RBM47: variants seen among roughly 807,000 people sequenced by gnomAD.
RBM47 encodes the protein RNA binding motif protein 47, also known as RNA-binding protein 47.
Under a neutral mutation model 47.1 loss-of-function variants are expected in RBM47, and 21 were observed. The observed-to-expected ratio is 0.45, with a 90% confidence interval of 0.32 to 0.64. The LOEUF is 0.64. Among genes scored for constraint, RBM47 ranks in the 30% least tolerant of loss-of-function variants. The pLI is 0.05. For missense variants in RBM47, 708 were observed against 870.9 expected (o/e 0.81, Z 2.35); for synonymous variants, 375 against 361.7 (o/e 1.04, Z -0.42).
intron 1 of RBM47, among the ~76,000 whole-genome samples, chr4:40,556,909 C>G (rs959935197): frequency 6.8e-6 from 1 of 146,422 alleles, no homozygotes; most frequent in African/African-American, 2.6e-5. Context: ...TATATATATA[C>G]ATTTACATGA....
At chr4:40,447,194 T>G (rs1577654485) in intron 3 of RBM47, among the ~76,000 whole-genome samples, 2 of 152,332 alleles carry the variant, frequency 1.3e-5, no homozygotes, top group Middle Eastern at 6.8e-3. Context: ...TGCATGAGTC[T>G]TCACTGAAGG....
chr4:40,617,901 C>T (rs1466503871), intron 1 of RBM47, among the ~76,000 whole-genome samples: 17 of 151,358 alleles, frequency 1.1e-4, no homozygotes, highest in Admixed American at 1.1e-3. Flanking sequence ...TTATATTTGC[C>T]AATATGGACA....
At chr4:40,519,297 CTTT>C (rs374404085) in intron 2 of RBM47, among the ~76,000 whole-genome samples, 3 of 130,090 alleles carry the variant, frequency 2.3e-5, no homozygotes, top group Admixed American at 8.1e-5. Flanking sequence ...CTCCTTCAAT[CTTT>C]TTTTTTTTTT....
intron 1 of RBM47, among the ~76,000 whole-genome samples, chr4:40,583,362 C>T (rs1357016685): frequency 7.8e-6 from 1 of 127,570 alleles, no homozygotes; most frequent in Non-Finnish European, 1.6e-5. Context: ...TGCAGTGAGC[C>T]GAGATCACGC....
chr4:40,524,566 C>G (rs987866423), intron 2 of RBM47, among the ~76,000 whole-genome samples: 13 of 152,186 alleles, frequency 8.5e-5, no homozygotes, highest in African/African-American at 3.1e-4. Context: ...GAATTCTAAC[C>G]AGAACTGGAA....
At chr4:40,517,296 G>A (rs1725696917) in intron 2 of RBM47, among the ~76,000 whole-genome samples, 1 of 152,034 alleles carries the variant, frequency 6.6e-6, no homozygotes, top group Non-Finnish European at 1.5e-5. Flanking sequence ...CACCACACCT[G>A]GCTAATTTCT....
At chr4:40,512,453 C>T (rs1229117448) in intron 2 of RBM47, among the ~76,000 whole-genome samples, 2 of 139,412 alleles carry the variant, frequency 1.4e-5, no homozygotes, top group African/African-American at 2.7e-5. Context: ...CGGTGGCTTA[C>T]GCCTGTAATC....
At chr4:40,569,990 G>T (rs10222730) in intron 1 of RBM47, among the ~76,000 whole-genome samples, 5,802 of 152,130 alleles carry the variant, frequency 0.038, 383 homozygotes, top group African/African-American at 0.13. Context: ...GGGATTACAG[G>T]CATGAGCCAC....
chr4:40,599,428 T>C (rs763982136), intron 1 of RBM47, among the ~76,000 whole-genome samples: 1 of 152,166 alleles, frequency 6.6e-6, no homozygotes, highest in Non-Finnish European at 1.5e-5. Flanking sequence ...TTAAAATGTC[T>C]GTAAACTCTC....
chr4:40,535,063 G>A (rs1727806427), intron 2 of RBM47, among the ~76,000 whole-genome samples: 1 of 151,872 alleles, frequency 6.6e-6, no homozygotes. Context: ...TTTTCTTATT[G>A]ACAAAATAGG....
At chr4:40,602,274 A>G (rs1735350371) in intron 1 of RBM47, among the ~76,000 whole-genome samples, 1 of 152,206 alleles carries the variant, frequency 6.6e-6, no homozygotes, top group African/African-American at 2.4e-5. Context: ...GATGTTCTAA[A>G]GAGGAAACAG....
intron 1 of RBM47, among the ~76,000 whole-genome samples, chr4:40,618,906 G>T (rs1578080867): frequency 6.7e-6 from 1 of 149,818 alleles, no homozygotes; most frequent in South Asian, 2.1e-4. Context: ...TTGAACTCCT[G>T]ATCTCCTCTA....
Position 40,437,934 on chromosome 4 carries a change from G to T in RBM47, c.960C>A (p.Asp320Glu). 3.7e-6 allele frequency: 6 copies of T among 1,613,724 alleles called. No homozygotes were observed. Among genetic ancestry groups the T allele is most frequent in the Non-Finnish European group, 5.1e-6 (6 of 1,180,010 alleles). The stretch of plus-strand genomic sequence containing the variant: ...TCTGGTAGCGCGAGTACTGCTCCTT[G>T]TCCACGGGCTTGGCCAGCGTGACCT... Reference protein sequence around the residue: ...CLEVTLAKPVDKEQYSRYQKA... With the variant: ...CLEVTLAKPVEKEQYSRYQKA... The change falls in exon 4 of 7, where the codon GAC becomes GAA. Residue 320 changes from aspartate to glutamate, a missense_variant. Coordinates refer to ENST00000295971, the MANE Select transcript of RBM47 (RefSeq NM_001098634.2).
intron 1 of RBM47, among the ~76,000 whole-genome samples, chr4:40,566,133 C>T (rs1018118819): frequency 6.6e-6 from 1 of 151,792 alleles, no homozygotes; most frequent in African/African-American, 2.4e-5. Flanking sequence ...TGAGGGAGAG[C>T]CAAGAGAAAA....
chr4:40,487,083 C>T (rs1428738947), intron 2 of RBM47, among the ~76,000 whole-genome samples: 1 of 152,080 alleles, frequency 6.6e-6, no homozygotes, highest in African/African-American at 2.4e-5. Context: ...CTCTGTGCTC[C>T]CCCAAGAGGG....
intron 1 of RBM47, among the ~76,000 whole-genome samples, chr4:40,572,661 G>T (rs1343467106): frequency 1.3e-5 from 2 of 151,968 alleles, no homozygotes; most frequent in Non-Finnish European, 2.9e-5. Context: ...CACTTTGGGA[G>T]ACCGAGATGG....
chr4:40,558,543 A>AAG (rs1341169803), intron 1 of RBM47, among the ~76,000 whole-genome samples: 2 of 145,764 alleles, frequency 1.4e-5, no homozygotes, highest in African/African-American at 2.7e-5. Flanking sequence ...AAAAAAAAAA[A>AAG]TGGGCCAGAC....
chr4:40,442,005 A>G (rs1713729369), intron 3 of RBM47, among the ~76,000 whole-genome samples: 1 of 152,142 alleles, frequency 6.6e-6, no homozygotes, highest in African/African-American at 2.4e-5. Flanking sequence ...TTTCACTCCA[A>G]TTTTAGTAAC....
At chr4:40,605,782 G>A (rs542622342) in intron 1 of RBM47, among the ~76,000 whole-genome samples, 56 of 151,936 alleles carry the variant, frequency 3.7e-4, no homozygotes, top group African/African-American at 1.3e-3. Context: ...AGTGAGCCCA[G>A]ATCGCACCAC....
Sources: allele counts gnomAD v4.1 joint callset (sites outside exome capture counted in the v4.1 genomes callset), GRCh38; gene constraint gnomAD v4.1.1; transcripts MANE v1.5; gene names NCBI Gene and HGNC (gene_info 2026-07-23, HGNC 2026-07-21).